Variants in HPSE2 observed in about 807,000 individuals in gnomAD.
HPSE2 encodes the protein inactive heparanase-2.
A neutral mutation model predicts 60.5 loss-of-function variants in HPSE2; 38 were observed. That is an observed-to-expected ratio of 0.63 (90% confidence interval 0.48 to 0.82). HPSE2 has a LOEUF of 0.82. HPSE2 is among the 40% of genes least tolerant of loss of function. The pLI, the probability that HPSE2 is intolerant of heterozygous loss-of-function variation, is 0.00. For synonymous variants in HPSE2, 295 were observed against 293.2 expected (o/e 1.01, Z -0.06); for missense variants, 713 against 740.4 (o/e 0.96, Z 0.43).
chr10:98,519,631 G>C (rs1222802684), intron 9 of HPSE2, among the ~76,000 whole-genome samples: 2 of 152,254 alleles, frequency 1.3e-5, no homozygotes, highest in African/African-American at 2.4e-5. Context: ...GTAACTGGCT[G>C]ACTCCTTTGC....
chr10:98,812,306 C>T (rs1951186888), intron 3 of HPSE2, among the ~76,000 whole-genome samples: 1 of 152,070 alleles, frequency 6.6e-6, no homozygotes, highest in Admixed American at 6.6e-5. Context: ...GACTTCTTAA[C>T]CTGAATTGTC....
chr10:98,530,427 C>T (rs1402341135), intron 9 of HPSE2, among the ~76,000 whole-genome samples: 1 of 152,176 alleles, frequency 6.6e-6, no homozygotes, highest in Non-Finnish European at 1.5e-5. Flanking sequence ...GCATTTCTAA[C>T]AGGTTCCCAG....
At chr10:98,660,465 T>C (rs1166233271) in intron 6 of HPSE2, among the ~76,000 whole-genome samples, 2 of 152,090 alleles carry the variant, frequency 1.3e-5, no homozygotes, top group African/African-American at 2.4e-5. Flanking sequence ...CCTCTGAAAA[T>C]AGTTATAAGT....
At chr10:98,871,358 T>C (rs1368406681) in intron 3 of HPSE2, among the ~76,000 whole-genome samples, 2 of 152,020 alleles carry the variant, frequency 1.3e-5, no homozygotes, top group Non-Finnish European at 2.9e-5. Flanking sequence ...TACCCTCTCA[T>C]AGGGAGCAAG....
chr10:99,292,972 A>G, the HPSE2 span, among the ~76,000 whole-genome samples: 1 of 152,100 alleles, frequency 6.6e-6, no homozygotes, highest in Non-Finnish European at 1.5e-5. Context: ...TTCCTTGTTC[A>G]AGCAGAAATT....
Position 98,701,497 on chromosome 10 carries a change from G to C in HPSE2, c.957-7550C>G, listed in dbSNP as rs190544870. Among the ~76,000 whole-genome samples, 154 of 111,022 alleles carry C rather than the reference G, an allele frequency of 1.4e-3. 1 individual carries two copies. Among genetic ancestry groups the C allele is most frequent in the African/African-American group, 4.9e-3 (142 of 29,036 alleles). The allele number at this position is 111,022 out of a possible 152,430, so 72.8% of individuals were successfully genotyped here. A position where few individuals can be genotyped will look rare whatever the true frequency, so the allele number is the denominator to read the frequency against. On this transcript the variant is annotated intron_variant, in intron 5 of 11. Transcript: ENST00000370552. ...ACACTCTGGGGACTGTTGTGGGGTG[G>C]GGGGAGGGGGGAGGGATAGCTTTAG...
intron 3 of HPSE2, among the ~76,000 whole-genome samples, chr10:98,960,701 C>CTTTTTTTTTTTTTTTT: frequency 1.3e-3 from 73 of 57,476 alleles, no homozygotes; most frequent in East Asian, 1.5e-3. Flanking sequence ...ATGTACATTT[C>CTTTTTTTTTTTTTTTT]TTTTTTTTTT....
the HPSE2 span, among the ~76,000 whole-genome samples, chr10:99,270,905 T>C: frequency 6.6e-6 from 1 of 152,208 alleles, no homozygotes; most frequent in Non-Finnish European, 1.5e-5. Flanking sequence ...TCTCAATAGA[T>C]GCAGAAAAAG....
chr10:98,990,048 G>A (rs1956486250), intron 3 of HPSE2, among the ~76,000 whole-genome samples: 1 of 152,148 alleles, frequency 6.6e-6, no homozygotes, highest in Admixed American at 6.6e-5. Context: ...AGTAAAAAAA[G>A]TAATGGGCAG....
chr10:98,665,970 C>T (rs1054599875), intron 6 of HPSE2, among the ~76,000 whole-genome samples: 1 of 152,138 alleles, frequency 6.6e-6, no homozygotes, highest in Non-Finnish European at 1.5e-5. Flanking sequence ...AAATGCCCCA[C>T]TTAAAAGGCA....
intron 9 of HPSE2, among the ~76,000 whole-genome samples, chr10:98,514,450 TA>T (rs1472670077): frequency 6.6e-6 from 1 of 151,876 alleles, no homozygotes; most frequent in African/African-American, 2.4e-5. Flanking sequence ...TTTACCACAA[TA>T]AAAAAAGAAA....
intron 7 of HPSE2, among the ~76,000 whole-genome samples, chr10:98,621,783 CT>C (rs768684041): frequency 6.6e-6 from 1 of 152,194 alleles, no homozygotes; most frequent in African/African-American, 2.4e-5. Flanking sequence ...AGCAGATTCT[CT>C]GAGTGTTCCT....
At chr10:98,999,156 CGTGTGTGTGTGT>C (rs55879808) in intron 3 of HPSE2, among the ~76,000 whole-genome samples, 16 of 137,682 alleles carry the variant, frequency 1.2e-4, no homozygotes, top group East Asian at 8.5e-4. Flanking sequence ...GTATAGACTA[CGTGTGTGTGTGT>C]GTGTGTGTGT....
intron 2 of HPSE2, among the ~76,000 whole-genome samples, chr10:99,204,797 AAAG>A (rs1403424479): frequency 1.3e-5 from 2 of 152,258 alleles, no homozygotes; most frequent in African/African-American, 4.8e-5. Flanking sequence ...ATATTTAAAA[AAAG>A]AAAATGTTAA....
chr10:98,990,553 C>G (rs1341430759), intron 3 of HPSE2, among the ~76,000 whole-genome samples: 1 of 152,244 alleles, frequency 6.6e-6, no homozygotes, highest in Admixed American at 6.5e-5. Flanking sequence ...AGGCCATGGA[C>G]TGGTCCTGGT....
At chr10:99,096,437 G>A (rs1341868216) in intron 3 of HPSE2, among the ~76,000 whole-genome samples, 2 of 152,088 alleles carry the variant, frequency 1.3e-5, no homozygotes, top group Non-Finnish European at 2.9e-5. Flanking sequence ...GCCTATTTTA[G>A]AGATAAGAAA....
intron 4 of HPSE2, among the ~76,000 whole-genome samples, chr10:98,733,932 G>A (rs1949286904): frequency 6.6e-6 from 1 of 152,104 alleles, no homozygotes; most frequent in Non-Finnish European, 1.5e-5. Flanking sequence ...TCACACAGTT[G>A]TGCAACCATC....
intron 3 of HPSE2, among the ~76,000 whole-genome samples, chr10:98,930,660 T>G (rs186753157): frequency 1.4e-5 from 2 of 144,864 alleles, no homozygotes; most frequent in East Asian, 3.9e-4. Context: ...GTTTCCTAAC[T>G]TTTTAACAAT....
intron 3 of HPSE2, among the ~76,000 whole-genome samples, chr10:98,902,547 TACTC>T (rs1953695524): frequency 6.6e-6 from 1 of 152,098 alleles, no homozygotes; most frequent in Non-Finnish European, 1.5e-5. Flanking sequence ...TTGGACAAGT[TACTC>T]ACCCTCTCAG....
Sources: gnomAD v4.1 joint callset for allele counts (sites outside exome capture counted in the v4.1 genomes callset) on GRCh38, gnomAD v4.1.1 for gene constraint, MANE v1.5 for transcripts, NCBI Gene and HGNC (gene_info 2026-07-23, HGNC 2026-07-21) for gene names.